The following GOLGA8A variants were observed in gnomAD, a reference collection of about 807,000 sequenced individuals.
GOLGA8A encodes the protein golgin A8 family member A.
Under a neutral mutation model 22.1 loss-of-function variants are expected in GOLGA8A, and 3 were observed. The observed-to-expected ratio is 0.14, with a 90% CI of 0.06 to 0.35. The LOEUF (loss-of-function observed/expected upper bound fraction) is 0.35. GOLGA8A is among the 10% of genes least tolerant of loss of function. The probability of loss-of-function intolerance (pLI) is 1.00; values close to 1 mark genes in which losing one functional copy is unlikely to be tolerated. For synonymous variants in GOLGA8A, 7 were observed against 91.7 expected, an observed-to-expected ratio of 0.08 and a Z score of 5.28; for missense variants, 16 against 233.2, an observed-to-expected ratio of 0.07 and a Z score of 6.07.
chr15:34,386,143 G>C (rs1891704256), intron 12 of GOLGA8A, among the ~76,000 whole-genome samples: 1 of 148,014 alleles, frequency 6.8e-6, no homozygotes, highest in Non-Finnish European at 1.5e-5. Flanking sequence ...AGCCGATATA[G>C]GATGGAAAAG....
chr15:34,434,171 C>T (rs1392774299), intron 2 of GOLGA8A, among the ~76,000 whole-genome samples: 1 of 149,452 alleles, frequency 6.7e-6, no homozygotes, highest in Non-Finnish European at 1.5e-5. Context: ...GCCAGGAGAG[C>T]CTGGAGGGGC....
intron 2 of GOLGA8A, among the ~76,000 whole-genome samples, chr15:34,423,248 G>A (rs1892853975): frequency 7.9e-6 from 1 of 126,328 alleles, no homozygotes; most frequent in African/African-American, 2.9e-5. Context: ...GGGCAACATG[G>A]GGCCACATCA....
chr15:34,423,274 C>G (rs1318048070), intron 2 of GOLGA8A, among the ~76,000 whole-genome samples: 1 of 125,760 alleles, frequency 8.0e-6, no homozygotes, highest in Non-Finnish European at 1.7e-5. Context: ...CCCTGCAGCT[C>G]CTGTTGGAAG....
intron 2 of GOLGA8A, among the ~76,000 whole-genome samples, chr15:34,430,642 C>G (rs1321676168): frequency 6.7e-6 from 1 of 149,428 alleles, no homozygotes; most frequent in Non-Finnish European, 1.5e-5. Context: ...GTGTCTGAAA[C>G]CCAGCAGGCA....
At chr15:34,430,147 T>C (rs1448691171) in intron 2 of GOLGA8A, among the ~76,000 whole-genome samples, 1 of 148,920 alleles carries the variant, frequency 6.7e-6, no homozygotes, top group Non-Finnish European at 1.5e-5. Flanking sequence ...CATTACTTAA[T>C]AAAATGCAGT....
chr15:34,423,714 C>T lies in GOLGA8A; in HGVS notation c.-1123+11669G>A, dbSNP rs559914059. ...GGGTCCCAGTGGAAATTTGGTGGCACGGGCAGCACCTCCTGGCACAGTCAG... is the reference window on the plus strand; with the variant it reads ...GGGTCCCAGTGGAAATTTGGTGGCATGGGCAGCACCTCCTGGCACAGTCAG... On this transcript the variant is annotated intron_variant, in intron 2 of 24. Coordinates refer to ENST00000359187, the MANE Select transcript of GOLGA8A (RefSeq NM_181077.5). 6.0e-5 allele frequency among the ~76,000 whole-genome samples: 9 copies of T among 148,948 alleles called. No homozygotes were observed. The South Asian group carries it at 1.5e-3, about 25-fold the overall frequency.
chr15:34,403,707 G>GTT (rs1319474437), intron 5 of GOLGA8A, among the ~76,000 whole-genome samples: 14 of 135,814 alleles, frequency 1.0e-4, no homozygotes, highest in African/African-American at 3.2e-4. Context: ...TCGATCACAA[G>GTT]ACACGGAAAG....
intron 2 of GOLGA8A, among the ~76,000 whole-genome samples, chr15:34,429,716 T>G (rs1285134397): frequency 6.8e-6 from 1 of 146,084 alleles, no homozygotes; most frequent in African/African-American, 2.5e-5. Context: ...AAATACCTAC[T>G]GAGTACACGG....
At chr15:34,435,347 G>A (rs1893455773) in intron 2 of GOLGA8A, 36 bp downstream of exon 2, 2 of 149,608 alleles carry the variant, frequency 1.3e-5, no homozygotes. Context: ...CCATCTCTAA[G>A]CTTCCAGGGG....
At chr15:34,430,590 G>A (rs75869482) in intron 2 of GOLGA8A, among the ~76,000 whole-genome samples, 1 of 149,300 alleles carries the variant, frequency 6.7e-6, no homozygotes, top group African/African-American at 2.5e-5. Flanking sequence ...CAGCTTTCAC[G>A]CGTACTAGCC....
At chr15:34,427,267 C>T (rs1893023565) in intron 2 of GOLGA8A, among the ~76,000 whole-genome samples, 3 of 137,818 alleles carry the variant, frequency 2.2e-5, no homozygotes, top group African/African-American at 8.3e-5. Flanking sequence ...GGAGGTGGAG[C>T]TTACAGTAAG....
intron 2 of GOLGA8A, among the ~76,000 whole-genome samples, chr15:34,426,366 G>A (rs1364724084): frequency 6.8e-6 from 1 of 147,954 alleles, no homozygotes; most frequent in Non-Finnish European, 1.5e-5. Context: ...TTTAAAATAT[G>A]TATGTATTTA....
chr15:34,397,352 G>C (rs969818313), intron 8 of GOLGA8A, among the ~76,000 whole-genome samples: 1 of 147,248 alleles, frequency 6.8e-6, no homozygotes, highest in African/African-American at 2.4e-5. Context: ...CATTCCTGGT[G>C]GTCTTACTGC....
In GOLGA8A at chr15:34,423,070, C is replaced by T. The variant is rs529358564; in HGVS notation, c.-1123+12313G>A. Reference sequence around the variant, plus strand: ...AACGGATGCCTAGCAGATGGGAAGACGACAAACTAACAAACACCCAGGCCT... The same window carrying T: ...AACGGATGCCTAGCAGATGGGAAGATGACAAACTAACAAACACCCAGGCCT... On this transcript the variant is annotated intron_variant, in intron 2 of 24. Coordinates refer to ENST00000359187, the MANE Select transcript of GOLGA8A (RefSeq NM_181077.5). Among the ~76,000 whole-genome samples the T allele has an allele frequency of 2.1e-3, 279 of 130,596 alleles. 28 individuals are homozygous for T. The highest frequency in any genetic ancestry group is 7.1e-3 in the African/African-American group (261 of 36,650). The allele number at this position is 130,596 out of a possible 152,430, so 85.7% of individuals were successfully genotyped here.
rs1207929365 is a variant in GOLGA8A at position 34,425,458 on chromosome 15, A to G, written c.-1123+9925T>C. On this transcript the variant is annotated intron_variant, in intron 2 of 24. Transcript: ENST00000359187. ...ACATTTTAGATCAAAGAAGAGATGT[A>G]AATGTAAAAAAATCGAGACTATCAA... is the stretch of plus-strand genomic sequence containing the variant. Among the ~76,000 whole-genome samples the G allele has an allele frequency of 2.1e-5, 3 of 145,902 alleles. 1 individual carries two copies. The highest frequency in any genetic ancestry group is 4.5e-5 in the Non-Finnish European group (3 of 66,082).
chr15:34,431,505 C>G (rs924405293), intron 2 of GOLGA8A, among the ~76,000 whole-genome samples: 3 of 147,726 alleles, frequency 2.0e-5, no homozygotes, highest in Non-Finnish European at 3.0e-5. Flanking sequence ...ATACGTTATA[C>G]AAACCTACTA....
chr15:34,426,532 A>G (rs1175979264), intron 2 of GOLGA8A, among the ~76,000 whole-genome samples: 1 of 146,682 alleles, frequency 6.8e-6, no homozygotes, highest in Non-Finnish European at 1.5e-5. Context: ...ATTTCTGTAA[A>G]GTTCTAATCT....
intron 2 of GOLGA8A, among the ~76,000 whole-genome samples, chr15:34,434,654 C>T (rs1213928217): frequency 6.7e-6 from 1 of 149,046 alleles, no homozygotes; most frequent in Non-Finnish European, 1.5e-5. Context: ...TCCCTGTGGG[C>T]GCTCGGGCCA....
chr15:34,381,936 CCCCACCCCCA>C, intron 23 of GOLGA8A, 22 bp downstream of exon 23: 1 of 394,096 alleles, frequency 2.5e-6, no homozygotes, highest in Admixed American at 5.2e-5. Flanking sequence ...CCCACCCCAC[CCCCACCCCCA>C]CAGGGATGTT....
Sources: gnomAD v4.1 joint callset for allele counts (sites outside exome capture counted in the v4.1 genomes callset) on GRCh38, gnomAD v4.1.1 for gene constraint, MANE v1.5 for transcripts, NCBI Gene and HGNC (gene_info 2026-07-23, HGNC 2026-07-21) for gene names.